Variants in LYRM4 observed in about 807,000 individuals in gnomAD.
The protein encoded by LYRM4 is LYR motif containing 4, also known as LYR motif-containing protein 4.
A neutral mutation model predicts 11.7 loss-of-function variants in LYRM4; 9 were observed. That is an observed-to-expected ratio of 0.77 (90% CI 0.46 to 1.34). The LOEUF (loss-of-function observed/expected upper bound fraction) is 1.34, where lower values mean the gene tolerates loss of function less well. LYRM4 is among the 40% of genes most tolerant of loss of function. The pLI, the probability that LYRM4 is intolerant of heterozygous loss-of-function variation, is 0.00. For missense variants in LYRM4, 133 were observed against 112.5 expected, an observed-to-expected ratio of 1.18 and a Z score of -0.82; for synonymous variants, 42 against 40.4, an observed-to-expected ratio of 1.04 and a Z score of -0.15.
the LYRM4 span, among the ~76,000 whole-genome samples, chr6:5,036,855 T>C: frequency 1.3e-5 from 2 of 152,184 alleles, no homozygotes; most frequent in African/African-American, 4.8e-5. Context: ...GTTATACCAC[T>C]GGGAGCTCCT....
the LYRM4 span, among the ~76,000 whole-genome samples, chr6:5,070,990 G>A: frequency 6.6e-6 from 1 of 151,622 alleles, no homozygotes. Context: ...AGGAGATCGA[G>A]ACCAGCCTGG....
intron 1 of LYRM4, among the ~76,000 whole-genome samples, chr6:5,244,718 G>A (rs1199127340): frequency 6.6e-6 from 1 of 152,028 alleles, no homozygotes; most frequent in African/African-American, 2.4e-5. Context: ...CAACAACAGT[G>A]ACGATGTGGG....
At chr6:5,182,987 A>C (rs566537671) in intron 2 of LYRM4, among the ~76,000 whole-genome samples, 1 of 152,356 alleles carries the variant, frequency 6.6e-6, no homozygotes, top group East Asian at 1.9e-4. Flanking sequence ...GACTATAATG[A>C]AAGCATAAAT....
At chr6:5,198,169 G>T (rs1272612534) in intron 2 of LYRM4, among the ~76,000 whole-genome samples, 1 of 152,118 alleles carries the variant, frequency 6.6e-6, no homozygotes, top group Non-Finnish European at 1.5e-5. Context: ...CTGCACTCCA[G>T]CCTGGGCAAC....
At chr6:5,217,240 C>A (rs115614204) in intron 1 of LYRM4, among the ~76,000 whole-genome samples, 1 of 152,322 alleles carries the variant, frequency 6.6e-6, no homozygotes, top group Non-Finnish European at 1.5e-5. Context: ...AGTCCTTGTC[C>A]CATATTCTGG....
At chr6:5,167,585 CCT>C (rs1561844107) in intron 2 of LYRM4, among the ~76,000 whole-genome samples, 1 of 152,142 alleles carries the variant, frequency 6.6e-6, no homozygotes, top group South Asian at 2.1e-4. Context: ...CGATAAAACC[CCT>C]GTCCGATGAA....
the LYRM4 span, among the ~76,000 whole-genome samples, chr6:5,097,645 C>G: frequency 1.3e-5 from 2 of 152,156 alleles, no homozygotes; most frequent in South Asian, 4.1e-4. Context: ...GCCACTGTAC[C>G]CGGCCAATAA....
chr6:5,041,343 C>G, the LYRM4 span, among the ~76,000 whole-genome samples: 1 of 152,130 alleles, frequency 6.6e-6, no homozygotes, highest in Non-Finnish European at 1.5e-5. Context: ...AGTGCCTGGC[C>G]AGCTGTCATA....
At chr6:5,250,915 C>A (rs1764400368) in intron 1 of LYRM4, among the ~76,000 whole-genome samples, 1 of 152,132 alleles carries the variant, frequency 6.6e-6, no homozygotes, top group South Asian at 2.1e-4. Context: ...AAATAGAATA[C>A]AATGTTATTT....
chr6:5,258,212 C>T (rs188462007), intron 1 of LYRM4, among the ~76,000 whole-genome samples: 10 of 152,284 alleles, frequency 6.6e-5, no homozygotes, highest in Middle Eastern at 3.4e-3. Context: ...GCTATCAAAA[C>T]GTGGCCTATA....
chr6:5,133,605 T>C (rs1764055569), intron 2 of LYRM4, among the ~76,000 whole-genome samples: 1 of 152,222 alleles, frequency 6.6e-6, no homozygotes, highest in Non-Finnish European at 1.5e-5. Context: ...TTATAAAAAA[T>C]TGTGGTAAAG....
At chr6:5,144,220 T>C (rs1023635342) in intron 2 of LYRM4, 2 of 1,537,036 alleles carry the variant, frequency 1.3e-6, no homozygotes, top group Admixed American at 2.0e-5. Context: ...CTCCGGCTGC[T>C]GTTCCCCGAC....
chr6:5,136,207 G>A (rs747448657), intron 2 of LYRM4: 15 of 864,062 alleles, frequency 1.7e-5, no homozygotes, highest in South Asian at 5.3e-5. Context: ...TGGTGGGCAA[G>A]TATCCTTTTG....
chr6:5,076,692 TC>T, the LYRM4 span, among the ~76,000 whole-genome samples: 1 of 151,920 alleles, frequency 6.6e-6, no homozygotes, highest in Admixed American at 6.6e-5. Flanking sequence ...TTGTCACAAT[TC>T]CAAGGGCTGC....
chr6:5,246,004 T>C (rs995180424), intron 1 of LYRM4, among the ~76,000 whole-genome samples: 1 of 151,998 alleles, frequency 6.6e-6, no homozygotes, highest in Non-Finnish European at 1.5e-5. Context: ...AAGAAACAAC[T>C]ATAGTTTTTT....
intron 2 of LYRM4, among the ~76,000 whole-genome samples, chr6:5,186,312 C>T (rs987395282): frequency 6.6e-6 from 1 of 152,128 alleles, no homozygotes; most frequent in African/African-American, 2.4e-5. Context: ...ACTAGCATCA[C>T]AGAGGAAAAC....
chr6:5,045,567 C>T, the LYRM4 span, among the ~76,000 whole-genome samples: 1 of 152,164 alleles, frequency 6.6e-6, no homozygotes, highest in African/African-American at 2.4e-5. Flanking sequence ...TATGTTACCA[C>T]GATTTGTAAA....
At chr6:5,174,413 C>T (rs180980231) in intron 2 of LYRM4, among the ~76,000 whole-genome samples, 85 of 152,218 alleles carry the variant, frequency 5.6e-4, no homozygotes, top group Admixed American at 3.2e-3. Flanking sequence ...GTCCTGCTTC[C>T]GGCTCCAACC....
chr6:5,094,970 G>T, the LYRM4 span, among the ~76,000 whole-genome samples: 1 of 152,234 alleles, frequency 6.6e-6, no homozygotes, highest in South Asian at 2.1e-4. Context: ...TTTAAAAGTA[G>T]CCAGAAGAGA....
Sources: allele counts gnomAD v4.1 joint callset (sites outside exome capture counted in the v4.1 genomes callset), GRCh38; gene constraint gnomAD v4.1.1; transcripts MANE v1.5; gene names NCBI Gene and HGNC (gene_info 2026-07-23, HGNC 2026-07-21).